Variants in NRXN1 observed in about 807,000 individuals in gnomAD.
NRXN1 encodes the protein neurexin 1.
A neutral mutation model predicts 150.9 loss-of-function variants in NRXN1; 39 were observed. That is an observed-to-expected ratio of 0.26 (90% CI 0.20 to 0.34). The LOEUF is 0.34. Ranked by LOEUF, NRXN1 falls within the 10% of genes least tolerant of loss-of-function variation. The probability of loss-of-function intolerance (pLI) is 1.00; values close to 1 mark genes in which losing one functional copy is unlikely to be tolerated. For synonymous variants in NRXN1, 924 were observed against 757.0 expected (o/e 1.22, Z -3.62); for missense variants, 1,815 against 1,949.9 (o/e 0.93, Z 1.30).
At chr2:50,582,210 T>A (rs1412189488) in intron 8 of NRXN1, among the ~76,000 whole-genome samples, 5 of 152,082 alleles carry the variant, frequency 3.3e-5, no homozygotes, top group Non-Finnish European at 4.4e-5. Context: ...ATGGCTAACA[T>A]CTTTCAGATC....
intron 19 of NRXN1, among the ~76,000 whole-genome samples, chr2:50,084,233 C>T (rs1166404752): frequency 6.6e-6 from 1 of 152,202 alleles, no homozygotes; most frequent in East Asian, 1.9e-4. Flanking sequence ...GGCGCCATGC[C>T]CTTGCGCGGT....
intron 5 of NRXN1, among the ~76,000 whole-genome samples, chr2:50,808,747 C>G (rs1667836116): frequency 6.6e-6 from 1 of 152,078 alleles, no homozygotes; most frequent in Non-Finnish European, 1.5e-5. Context: ...GGACTTCACA[C>G]TTTTATAACG....
At chr2:50,946,560 T>C (rs533265362) in intron 2 of NRXN1, among the ~76,000 whole-genome samples, 1 of 152,258 alleles carries the variant, frequency 6.6e-6, no homozygotes, top group African/African-American at 2.4e-5. Flanking sequence ...TAAACTTACA[T>C]TTTTAACCAC....
At chr2:50,295,490 AT>A (rs1366540635) in intron 17 of NRXN1, among the ~76,000 whole-genome samples, 2 of 152,204 alleles carry the variant, frequency 1.3e-5, no homozygotes, top group African/African-American at 2.4e-5. Flanking sequence ...AGCAAAAAAA[AT>A]CATTTACTAC....
intron 15 of NRXN1, among the ~76,000 whole-genome samples, chr2:50,478,780 T>C (rs1239554833): frequency 3.3e-5 from 5 of 152,236 alleles, no homozygotes; most frequent in African/African-American, 1.2e-4. Flanking sequence ...ATATCTAGTC[T>C]ACCTGCTCTC....
At chr2:50,988,413 C>A (rs193109483) in intron 2 of NRXN1, among the ~76,000 whole-genome samples, 140 of 152,004 alleles carry the variant, frequency 9.2e-4, no homozygotes, top group African/African-American at 3.2e-3. Context: ...ACTACTATGA[C>A]AAACTAGACA....
intron 10 of NRXN1, 87 bp downstream of exon 10, chr2:50,538,166 C>T (rs1386166520): frequency 4.9e-6 from 7 of 1,441,634 alleles, no homozygotes; most frequent in African/African-American, 2.8e-5. Flanking sequence ...GTATACATTA[C>T]GTTTCAATGG....
intron 5 of NRXN1, among the ~76,000 whole-genome samples, chr2:50,655,676 A>AGG (rs1414668414): frequency 6.8e-6 from 1 of 147,168 alleles, no homozygotes; most frequent in Non-Finnish European, 1.5e-5. Flanking sequence ...TTGGGGGGGG[A>AGG]GGGAAGAAAG....
At chr2:50,437,826 T>C (rs1017430714) in intron 17 of NRXN1, among the ~76,000 whole-genome samples, 3 of 152,184 alleles carry the variant, frequency 2.0e-5, no homozygotes, top group African/African-American at 7.2e-5. Flanking sequence ...CTGGGTGAAA[T>C]GCTTTGCATC....
At chr2:50,443,969 A>C (rs1389154695) in intron 17 of NRXN1, among the ~76,000 whole-genome samples, 1 of 152,206 alleles carries the variant, frequency 6.6e-6, no homozygotes, top group African/African-American at 2.4e-5. Context: ...GAAGAATTAA[A>C]CATAAAATTT....
At chr2:50,884,108 G>A (rs778453745) in intron 5 of NRXN1, among the ~76,000 whole-genome samples, 21 of 151,824 alleles carry the variant, frequency 1.4e-4, no homozygotes, top group Admixed American at 3.3e-4. Context: ...AACTTTTGAC[G>A]AAAGCAGCTT....
intron 18 of NRXN1, among the ~76,000 whole-genome samples, chr2:50,214,781 A>C (rs1307040665): frequency 1.3e-5 from 2 of 151,972 alleles, no homozygotes; most frequent in African/African-American, 4.8e-5. Context: ...GATTTTTGGA[A>C]ACCACATAGC....
At chr2:50,266,919 T>C (rs1397450234) in intron 17 of NRXN1, among the ~76,000 whole-genome samples, 2 of 152,204 alleles carry the variant, frequency 1.3e-5, no homozygotes, top group African/African-American at 2.4e-5. Flanking sequence ...TTCTTTATTA[T>C]AGAAAATGGA....
intron 5 of NRXN1, among the ~76,000 whole-genome samples, chr2:50,680,532 T>TA (rs542009459): frequency 3.3e-5 from 5 of 152,016 alleles, no homozygotes; most frequent in South Asian, 2.1e-4. Context: ...AACATATGAA[T>TA]AAAAAAAATG....
At chr2:50,349,703 G>A (rs564899767) in intron 17 of NRXN1, among the ~76,000 whole-genome samples, 1 of 152,260 alleles carries the variant, frequency 6.6e-6, no homozygotes, top group African/African-American at 2.4e-5. Context: ...AATATTTAAT[G>A]TTGGTGTTCT....
At chr2:50,508,323 G>A (rs1042262839) in intron 12 of NRXN1, among the ~76,000 whole-genome samples, 2 of 151,786 alleles carry the variant, frequency 1.3e-5, no homozygotes, top group African/African-American at 4.8e-5. Flanking sequence ...ACAGTTTTAA[G>A]AGATTGATGG....
intron 21 of NRXN1, among the ~76,000 whole-genome samples, chr2:50,035,248 C>A (rs10176824): frequency 0.38 from 58,221 of 151,916 alleles, 11,712 homozygotes; most frequent in Middle Eastern, 0.5. Flanking sequence ...ATCAGCATTT[C>A]TCATGATCTA....
chr2:50,353,491 G>A (rs1465230932), intron 17 of NRXN1, among the ~76,000 whole-genome samples: 1 of 152,018 alleles, frequency 6.6e-6, no homozygotes. Context: ...ATGAATCCAA[G>A]CTTCATTGTT....
chr2:50,217,594 G>C (rs1327171069), intron 18 of NRXN1, among the ~76,000 whole-genome samples: 1 of 151,964 alleles, frequency 6.6e-6, no homozygotes, highest in Non-Finnish European at 1.5e-5. Flanking sequence ...TGCCTAAAGA[G>C]ATGGACAGAC....
Sources: gnomAD v4.1 joint callset for allele counts (sites outside exome capture counted in the v4.1 genomes callset) on GRCh38, gnomAD v4.1.1 for gene constraint, MANE v1.5 for transcripts, NCBI Gene and HGNC (gene_info 2026-07-23, HGNC 2026-07-21) for gene names.